Variants in ADAMTS13 observed in about 807,000 individuals in gnomAD.
The protein encoded by ADAMTS13 is A disintegrin and metalloproteinase with thrombospondin motifs 13.
Under a neutral mutation model 155.1 loss-of-function variants are expected in ADAMTS13, and 110 were observed. The observed-to-expected ratio is 0.71, with a 90% CI of 0.61 to 0.83. ADAMTS13 has a LOEUF of 0.83. Among genes scored for constraint, ADAMTS13 ranks in the 40% least tolerant of loss-of-function variants. The pLI is 0.00. For synonymous variants in ADAMTS13, 758 were observed against 756.4 expected (o/e 1.00, Z -0.03); for missense variants, 1,707 against 1,891.7 (o/e 0.90, Z 1.81).
intron 2 of ADAMTS13, 22 bp downstream of exon 2, chr9:133,423,189 C>G: frequency 6.2e-7 from 1 of 1,611,078 alleles, no homozygotes; most frequent in Non-Finnish European, 8.5e-7. Flanking sequence ...GGTGTCTTCT[C>G]TCCCGGGGGG....
At chr9:133,439,959 G>A (rs1205963181) in intron 15 of ADAMTS13, among the ~76,000 whole-genome samples, 2 of 152,262 alleles carry the variant, frequency 1.3e-5, no homozygotes, top group East Asian at 3.8e-4. Context: ...CTTCTGCCTG[G>A]TGTGACCCGT....
At chr9:133,455,125 C>A (rs1359489296) in intron 24 of ADAMTS13, among the ~76,000 whole-genome samples, 160 bp from the exon 25 acceptor site, 2 of 152,144 alleles carry the variant, frequency 1.3e-5, no homozygotes, top group South Asian at 4.1e-4. Context: ...TGCAAGGTGC[C>A]CTCTCTGAGC....
At chr9:133,417,938 G>A (rs1839774847), upstream of ADAMTS13, 5 of 1,219,188 alleles carry the variant, frequency 4.1e-6, no homozygotes, top group Admixed American at 8.0e-5. Context: ...GCCCAGGCCA[G>A]GCCGAAACAC....
In ADAMTS13 at chr9:133,425,864, G is replaced by A. The variant is rs1840244284; in HGVS notation, c.415-74G>A. 6 of 1,598,420 alleles carry A rather than the reference G, an allele frequency of 3.8e-6. No individual in the cohort carries two copies. Among genetic ancestry groups the A allele is most frequent in the Non-Finnish European group, 5.1e-6 (6 of 1,175,628 alleles). On this transcript the variant is annotated intron_variant, in intron 4 of 28. Coordinates refer to ENST00000355699, the MANE Select transcript of ADAMTS13 (RefSeq NM_139027.6). The surrounding 1 kb of genome is among the most constrained non-coding windows in gnomAD (Gnocchi z 4.6). ...TAGGGTTGTTAGGAGGACTAACTGG[G>A]AAACAAACCGACCGCAGTCAGCACC...
intron 21 of ADAMTS13, among the ~76,000 whole-genome samples, chr9:133,447,984 A>AT (rs962299876): frequency 3.0e-3 from 432 of 143,488 alleles, no homozygotes; most frequent in South Asian, 0.016. Flanking sequence ...TCATATTGTG[A>AT]TTTTTTTTTC....
In ADAMTS13 at chr9:133,449,763, C is replaced by T. The variant is rs1395774284; in HGVS notation, c.2862-20C>T. ...CAGGCCCTGGGGCTGTTTGGGGTCC[C>T]TGACTCCAGTTTGCTCCAGGTGGCA... is the stretch of plus-strand genomic sequence containing the variant. On this transcript the variant is annotated intron_variant, in intron 22 of 28. Transcript: ENST00000355699. The T allele has an allele frequency of 4.3e-6, 7 of 1,613,326 alleles. No homozygotes were observed. Among genetic ancestry groups the T allele is most frequent in the East Asian group, 2.2e-5 (1 of 44,898 alleles).
In ADAMTS13 at chr9:133,445,624, T is replaced by A; in HGVS notation, c.2611-75T>A. 1 of 1,608,402 alleles carries A rather than the reference T, an allele frequency of 6.2e-7. No individual in the cohort carries two copies. The highest frequency in any genetic ancestry group is 8.5e-7 in the Non-Finnish European group (1 of 1,177,750). ...ACTTCCTGGTCTCTCTGCTGCTGCC[T>A]GAGAAGATCGAGACGGGGATCGCTG... On this transcript the variant is annotated intron_variant, in intron 20 of 28. Transcript: ENST00000355699. This position sits in a 1 kb window ranked among gnomAD's most constrained non-coding sequence, Gnocchi z 5.0.
At chr9:133,433,288 C>T in intron 9 of ADAMTS13, 90 bp from the exon 10 acceptor site, 1 of 1,571,750 alleles carries the variant, frequency 6.4e-7, no homozygotes. Flanking sequence ...TTGGGGATCC[C>T]TGAGGATGTT....
At chr9:133,432,362 A>T (rs1035234739) in intron 8 of ADAMTS13, among the ~76,000 whole-genome samples, 3 of 152,192 alleles carry the variant, frequency 2.0e-5, no homozygotes, top group Non-Finnish European at 4.4e-5. Flanking sequence ...GACACAAAAA[A>T]CACATTTCCA....
At position 133,456,995 on chromosome 9, in the gene ADAMTS13, G is replaced by T; in HGVS notation, c.3724+276G>T. ...TCCTCAGTCAGTCCCTCAGGCCTCT[G>T]CCCCACACCCACCTGCCCCGCCCCC... On this transcript the variant is annotated intron_variant, in intron 27 of 28. Transcript: ENST00000355699. This position sits in a 1 kb window ranked among gnomAD's most constrained non-coding sequence, Gnocchi z 4.4. 1.8e-6 allele frequency: 1 copy of T among 561,918 alleles called. No individual in the cohort carries two copies. The highest frequency in any genetic ancestry group is 3.3e-6 in the Non-Finnish European group (1 of 302,884). 34.8% of individuals were successfully genotyped at this position (561,918 alleles called of 1,614,324 possible).
Position 133,437,768 on chromosome 9 carries a change from CAT to C in ADAMTS13, c.1456_1457del (p.Met486ValfsTer47), listed in dbSNP as rs782242503. ...HSQGDALCRH[M>X]CRAIGESFIM... The stretch of plus-strand genomic sequence containing the variant: ...TCCCAGGGGATGCTCTGTGCAGACA[CAT>C]GTGCCGGGCCATTGGCGAGAGCTTC... On this transcript the variant is annotated frameshift_variant, in exon 13 of 29. Coordinates refer to ENST00000355699, the MANE Select transcript of ADAMTS13 (RefSeq NM_139027.6). LOFTEE classifies it high-confidence loss of function. 11 of 1,613,790 alleles carry C rather than the reference CAT, an allele frequency of 6.8e-6. No homozygotes were observed. The highest frequency in any genetic ancestry group is 5.0e-5 in the Admixed American group (3 of 60,002).
At chr9:133,438,159 C>G in intron 13 of ADAMTS13, 87 bp from the exon 14 acceptor site, 3 of 1,610,072 alleles carry the variant, frequency 1.9e-6, no homozygotes, top group Non-Finnish European at 2.5e-6. Context: ...TTTGTGGATC[C>G]CAGAATCTCA....
chr9:133,417,681 G>A (rs200370383), upstream of ADAMTS13: 102 of 1,614,088 alleles, frequency 6.3e-5, no homozygotes, highest in Non-Finnish European at 8.1e-5. Context: ...TCGCACCACA[G>A]CACCGGGGCC....
chr9:133,444,711 G>C (rs1268478590), intron 19 of ADAMTS13, 152 bp from the exon 20 acceptor site: 1 of 748,984 alleles, frequency 1.3e-6, no homozygotes, highest in African/African-American at 1.8e-5. Flanking sequence ...GCTTCAGGGA[G>C]AGACCCTGAG....
intron 11 of ADAMTS13, among the ~76,000 whole-genome samples, chr9:133,435,767 C>T (rs1343303399): frequency 1.3e-5 from 2 of 151,192 alleles, no homozygotes; most frequent in Non-Finnish European, 3.0e-5. Flanking sequence ...CTCCTGACCT[C>T]GTGATCTGCC....
At position 133,442,590 on chromosome 9, in the gene ADAMTS13, C is replaced by G. The variant is rs886038727; in HGVS notation, c.2105-24C>G. 1 of 1,613,316 alleles carries G rather than the reference C, an allele frequency of 6.2e-7. No individual in the cohort carries two copies. Among genetic ancestry groups the G allele is most frequent in the Non-Finnish European group, 8.5e-7 (1 of 1,179,992 alleles). Reference sequence around the variant, plus strand: ...CGGCTTGCCCCTGCAGGGAGGCGGCCTAGCCCTCCCTCTTCCCTCCCAGGG... The same window carrying G: ...CGGCTTGCCCCTGCAGGGAGGCGGCGTAGCCCTCCCTCTTCCCTCCCAGGG... On this transcript the variant is annotated intron_variant, in intron 17 of 28. Transcript: ENST00000355699.
chr9:133,415,837 G>A (rs587661592), intron 1 of ADAMTS13: 40 of 152,284 alleles, frequency 2.6e-4, no homozygotes, highest in African/African-American at 9.4e-4. Context: ...GGCTGCCCAC[G>A]GGAATTTGAC....
Position 133,449,939 on chromosome 9 carries a change from C to T in ADAMTS13, c.3018C>T (p.Ala1006=). The change falls in exon 23 of 29, where the codon GCC becomes GCT. Residue 1006 remains alanine, a synonymous_variant. Transcript: ENST00000355699. The part of the protein sequence containing the change: ...QGLPRPEPQE[A]CSLEPCPPRW... Reference sequence around the variant, plus strand: ...TGCCTCGCCCGGAACCCCAGGAGGCCTGCAGCCTGGAGCCCTGCCCACCTA... The same window carrying T: ...TGCCTCGCCCGGAACCCCAGGAGGCTTGCAGCCTGGAGCCCTGCCCACCTA... The T allele has an allele frequency of 1.9e-6, 3 of 1,609,034 alleles. No individual in the cohort carries two copies. Among genetic ancestry groups the T allele is most frequent in the Non-Finnish European group, 2.5e-6 (3 of 1,178,660 alleles).
intron 13 of ADAMTS13, 110 bp downstream of exon 13, chr9:133,438,007 G>T: frequency 1.3e-6 from 2 of 1,571,290 alleles, no homozygotes; most frequent in South Asian, 2.2e-5. Flanking sequence ...AGTGCCCTCT[G>T]CAGGGGAGTG....
Sources: gnomAD v4.1 joint callset for allele counts (sites outside exome capture counted in the v4.1 genomes callset) on GRCh38, gnomAD v4.1.1 for gene constraint, Gnocchi (gnomAD v3.1) non-coding constraint, MANE v1.5 for transcripts, NCBI Gene and HGNC (gene_info 2026-07-23, HGNC 2026-07-21) for gene names.